CENPP: variants seen among roughly 807,000 people sequenced by gnomAD.
CENPP encodes the protein centromere protein P.
CENPP carries 24 observed loss-of-function variants against 35.6 expected under a neutral mutation model. That is an observed-to-expected ratio of 0.67 (90% CI 0.49 to 0.95). CENPP has a LOEUF of 0.95. Ranked by LOEUF, CENPP falls within the 40% of genes least tolerant of loss-of-function variation. The probability of loss-of-function intolerance (pLI) is 0.00; values close to 1 mark genes in which losing one functional copy is unlikely to be tolerated. For synonymous variants in CENPP, 120 were observed against 125.5 expected, an observed-to-expected ratio of 0.96 and a Z score of 0.29; for missense variants, 332 against 345.3, an observed-to-expected ratio of 0.96 and a Z score of 0.31.
chr9:92,575,397 A>G (rs779925955), intron 5 of CENPP, among the ~76,000 whole-genome samples: 2 of 151,878 alleles, frequency 1.3e-5, no homozygotes, highest in African/African-American at 2.4e-5. Context: ...ACTTGAATAG[A>G]CATTTCTCCA....
Position 92,619,537 on chromosome 9 carries a change from G to T in CENPP, c.*6388G>T. 2 of 1,591,388 alleles carry T rather than the reference G, an allele frequency of 1.3e-6. No individual in the cohort carries two copies. Among genetic ancestry groups the T allele is most frequent in the African/African-American group, 2.7e-5 (2 of 74,910 alleles). On this transcript the variant is annotated 3_prime_UTR_variant, in exon 8 of 8. Coordinates refer to ENST00000375587, the MANE Select transcript of CENPP (RefSeq NM_001012267.3). ...TGCAATCATGATGGAGCAGTCCTTGGCAGTCATGGCGACGCGGTACTGCTG... is the reference window on the plus strand; with the variant it reads ...TGCAATCATGATGGAGCAGTCCTTGTCAGTCATGGCGACGCGGTACTGCTG...
chr9:92,331,415 C>T (rs1027603621), intron 1 of CENPP, among the ~76,000 whole-genome samples: 40 of 150,930 alleles, frequency 2.7e-4, no homozygotes, highest in Admixed American at 6.6e-5. Flanking sequence ...CTCCTGACCG[C>T]GTGATCCACC....
chr9:92,544,628 A>G (rs1452590675), intron 5 of CENPP, among the ~76,000 whole-genome samples: 1 of 152,128 alleles, frequency 6.6e-6, no homozygotes, highest in African/African-American at 2.4e-5. Context: ...AAACTAGTAA[A>G]AGCTGTGGCA....
At chr9:92,517,911 A>G in intron 5 of CENPP, 7 of 1,611,776 alleles carry the variant, frequency 4.3e-6, no homozygotes, top group African/African-American at 1.3e-5. Context: ...TAAATTTCTT[A>G]TGTGATTATC....
intron 5 of CENPP, among the ~76,000 whole-genome samples, chr9:92,571,506 G>T (rs190052486): frequency 3.0e-4 from 45 of 152,248 alleles, no homozygotes; most frequent in Admixed American, 6.5e-4. Flanking sequence ...CCAACTATGT[G>T]GTCAATTTTG....
chr9:92,499,698 C>T (rs184033840), intron 5 of CENPP, among the ~76,000 whole-genome samples: 3 of 152,356 alleles, frequency 2.0e-5, no homozygotes, highest in Admixed American at 6.5e-5. Context: ...ACCCCCATCT[C>T]TTCCTCCAGT....
intron 1 of CENPP, among the ~76,000 whole-genome samples, chr9:92,330,950 A>G (rs113706417): frequency 1.3e-5 from 2 of 152,244 alleles, no homozygotes; most frequent in Non-Finnish European, 2.9e-5. Context: ...TTGGCCTCCC[A>G]AAGTGCTGGG....
chr9:92,522,925 T>G, intron 5 of CENPP: 1 of 1,512,134 alleles, frequency 6.6e-7, no homozygotes, highest in Non-Finnish European at 8.8e-7. Flanking sequence ...AAGTTAGTGG[T>G]GACTAAATTT....
At position 92,416,072 on chromosome 9, in the gene CENPP, T is replaced by TATATATATATA. The variant is rs368634649; in HGVS notation, c.564+36213_564+36214insATATATATATA. Among the ~76,000 whole-genome samples, 155 of 125,378 alleles carry TATATATATATA rather than the reference T, an allele frequency of 1.2e-3. 1 individual carries two copies. Among genetic ancestry groups the TATATATATATA allele is most frequent in the South Asian group, 0.011 (43 of 3,992 alleles). The allele number at this position is 125,378 out of a possible 152,430, so 82.3% of individuals were successfully genotyped here. A position where few individuals can be genotyped will look rare whatever the true frequency, so the allele number is the denominator to read the frequency against. On this transcript the variant is annotated intron_variant, in intron 5 of 7. Transcript: ENST00000375587. ...TATATATGTGTGTATATATATATAT[T>TATATATATATA]TATTTATTTATTTATTTATTTATTT...
intron 5 of CENPP, among the ~76,000 whole-genome samples, chr9:92,427,312 A>G (rs1013150275): frequency 7.9e-5 from 12 of 151,862 alleles, no homozygotes; most frequent in Admixed American, 2.6e-4. Flanking sequence ...ACAGGTGTGC[A>G]CCACCACACC....
chr9:92,424,125 A>T (rs1270999525), intron 5 of CENPP: 1 of 152,212 alleles, frequency 6.6e-6, no homozygotes, highest in East Asian at 1.9e-4. Context: ...TTTTAATATT[A>T]AAAAATCCAA....
chr9:92,582,444 T>G (rs561081254), intron 5 of CENPP, among the ~76,000 whole-genome samples: 3 of 152,114 alleles, frequency 2.0e-5, no homozygotes, highest in Non-Finnish European at 4.4e-5. Context: ...TTGTGGGACA[T>G]CCAGATAGAA....
intron 5 of CENPP, chr9:92,415,629 A>C: frequency 2.7e-6 from 1 of 375,088 alleles, no homozygotes; most frequent in Non-Finnish European, 4.6e-6. Flanking sequence ...ATATTAATCA[A>C]ATAATAAAAA....
In CENPP at chr9:92,352,522, T is replaced by C. The variant is rs866706174; in HGVS notation, c.467+6735T>C. Among the ~76,000 whole-genome samples, 3 of 111,894 alleles carry C rather than the reference T, an allele frequency of 2.7e-5. 1 individual carries two copies. The highest frequency in any genetic ancestry group is 1.4e-4 in the African/African-American group (3 of 22,130). The allele number at this position is 111,894 out of a possible 152,430, so 73.4% of individuals were successfully genotyped here. A position where few individuals can be genotyped will look rare whatever the true frequency, so the allele number is the denominator to read the frequency against. On this transcript the variant is annotated intron_variant, in intron 4 of 7. Transcript: ENST00000375587. ...GTGTGTGTGTATACATATATATATA[T>C]ATATATATATATATATAATATAACG...
intron 5 of CENPP, chr9:92,496,406 T>C (rs747794358): frequency 6.8e-6 from 11 of 1,610,888 alleles, no homozygotes; most frequent in Middle Eastern, 1.7e-4. Flanking sequence ...TTTAATATAA[T>C]TGTTTTCAAG....
At chr9:92,485,391 T>G (rs541505394) in intron 5 of CENPP, among the ~76,000 whole-genome samples, 1 of 152,322 alleles carries the variant, frequency 6.6e-6, no homozygotes, top group East Asian at 1.9e-4. Context: ...ATTTACATGT[T>G]GCAAACACAA....
intron 4 of CENPP, among the ~76,000 whole-genome samples, chr9:92,349,660 C>T (rs1344798819): frequency 1.3e-5 from 2 of 152,054 alleles, no homozygotes; most frequent in African/African-American, 4.8e-5. Context: ...CCTCAGCCTC[C>T]CAAAGTGCTG....
chr9:92,329,602 A>G (rs1840677462), intron 1 of CENPP, among the ~76,000 whole-genome samples: 1 of 151,888 alleles, frequency 6.6e-6, no homozygotes, highest in Non-Finnish European at 1.5e-5. Context: ...TGGCATGATT[A>G]TGACTCACTG....
At chr9:92,586,026 G>A (rs1300694654) in intron 5 of CENPP, among the ~76,000 whole-genome samples, 1 of 152,084 alleles carries the variant, frequency 6.6e-6, no homozygotes, top group Non-Finnish European at 1.5e-5. Context: ...TTTCTGGGAA[G>A]TGGTAGCATC....
Sources: allele counts gnomAD v4.1 joint callset (sites outside exome capture counted in the v4.1 genomes callset), GRCh38; gene constraint gnomAD v4.1.1; transcripts MANE v1.5; gene names NCBI Gene and HGNC (gene_info 2026-07-23, HGNC 2026-07-21).